Variants in ENTREP2 observed in about 807,000 individuals in gnomAD.
ENTREP2 encodes protein ENTREP2.
the ENTREP2 span, among the ~76,000 whole-genome samples, chr15:29,257,042 TATTA>T: frequency 7.0e-6 from 1 of 142,252 alleles, no homozygotes; most frequent in African/African-American, 2.7e-5. Flanking sequence ...TTTATTTTTT[TATTA>T]TTTATTTATT....
the ENTREP2 span, among the ~76,000 whole-genome samples, chr15:29,132,858 T>G: frequency 6.6e-6 from 1 of 151,604 alleles, no homozygotes; most frequent in African/African-American, 2.4e-5. Context: ...GGCAGAGGGG[T>G]CCAAGGGGCA....
chr15:29,616,146 G>C, the ENTREP2 span, among the ~76,000 whole-genome samples: 1 of 152,240 alleles, frequency 6.6e-6, no homozygotes, highest in Non-Finnish European at 1.5e-5. Flanking sequence ...CATCAGAGCA[G>C]ACAAAAGTCA....
the ENTREP2 span, among the ~76,000 whole-genome samples, chr15:29,558,309 ACGCCTGGGGT>A: frequency 6.6e-6 from 1 of 152,170 alleles, no homozygotes; most frequent in Non-Finnish European, 1.5e-5. Flanking sequence ...GCTGTTTCCC[ACGCCTGGGGT>A]CTCCCTCTCC....
At chr15:29,252,982 C>T in the ENTREP2 span, among the ~76,000 whole-genome samples, 1 of 152,184 alleles carries the variant, frequency 6.6e-6, no homozygotes, top group Non-Finnish European at 1.5e-5. Context: ...TTTACAGCCC[C>T]TACCATCTGA....
At chr15:29,517,861 T>C in the ENTREP2 span, among the ~76,000 whole-genome samples, 1 of 152,192 alleles carries the variant, frequency 6.6e-6, no homozygotes, top group Non-Finnish European at 1.5e-5. Context: ...TGTTTTTGTA[T>C]TCACCTTGCA....
the ENTREP2 span, among the ~76,000 whole-genome samples, chr15:29,651,834 T>G: frequency 6.6e-6 from 1 of 152,232 alleles, no homozygotes; most frequent in Non-Finnish European, 1.5e-5. Flanking sequence ...GGTGCTGGCC[T>G]GCAGGTGCCC....
the ENTREP2 span, among the ~76,000 whole-genome samples, chr15:29,333,470 A>G: frequency 6.6e-6 from 1 of 152,068 alleles, no homozygotes; most frequent in African/African-American, 2.4e-5. Flanking sequence ...ACCTGTGATG[A>G]GAATACCCAC....
the ENTREP2 span, among the ~76,000 whole-genome samples, chr15:29,432,006 G>C: frequency 6.6e-6 from 1 of 152,178 alleles, no homozygotes; most frequent in African/African-American, 2.4e-5. Context: ...CAAATTGCCT[G>C]AGATTTCATC....
At chr15:29,507,178 A>G in the ENTREP2 span, among the ~76,000 whole-genome samples, 1 of 152,212 alleles carries the variant, frequency 6.6e-6, no homozygotes, top group Non-Finnish European at 1.5e-5. Flanking sequence ...ACATAATGGT[A>G]AAAGAATCAA....
the ENTREP2 span, among the ~76,000 whole-genome samples, chr15:29,550,686 CA>C: frequency 4.0e-3 from 611 of 152,290 alleles, 3 homozygotes; most frequent in African/African-American, 0.014. Context: ...CATTAGAATA[CA>C]AAGACACTCT....
chr15:29,550,145 C>A, the ENTREP2 span, among the ~76,000 whole-genome samples: 1 of 152,134 alleles, frequency 6.6e-6, no homozygotes, highest in African/African-American at 2.4e-5. Context: ...CCGACTCTGT[C>A]AAATATGTAT....
the ENTREP2 span, among the ~76,000 whole-genome samples, chr15:29,356,253 T>C: frequency 7.7e-6 from 1 of 130,640 alleles, no homozygotes; most frequent in African/African-American, 3.0e-5. Context: ...GAAATGTATA[T>C]ATATGTGTGT....
At chr15:29,517,214 T>G in the ENTREP2 span, among the ~76,000 whole-genome samples, 1 of 152,098 alleles carries the variant, frequency 6.6e-6, no homozygotes, top group Admixed American at 6.5e-5. Flanking sequence ...TTTGCAACAA[T>G]CTAGCCACGG....
chr15:29,401,159 T>C, the ENTREP2 span, among the ~76,000 whole-genome samples: 7 of 152,288 alleles, frequency 4.6e-5, no homozygotes, highest in Admixed American at 3.3e-4. Context: ...CACTGCATTT[T>C]GGTGTGGTTT....
chr15:29,573,969 A>C, the ENTREP2 span, among the ~76,000 whole-genome samples: 1 of 152,190 alleles, frequency 6.6e-6, no homozygotes, highest in African/African-American at 2.4e-5. Context: ...AAAGTAGTTA[A>C]AGTGAGTTGA....
the ENTREP2 span, among the ~76,000 whole-genome samples, chr15:29,467,378 T>A: frequency 6.6e-6 from 1 of 152,196 alleles, no homozygotes; most frequent in Non-Finnish European, 1.5e-5. Context: ...TCTGTTCATC[T>A]ATCAGTAAAC....
the ENTREP2 span, among the ~76,000 whole-genome samples, chr15:29,175,131 C>T: frequency 4.6e-5 from 7 of 152,200 alleles, no homozygotes; most frequent in African/African-American, 1.7e-4. Context: ...CTGCATATGG[C>T]GGTGAGAGCC....
the ENTREP2 span, among the ~76,000 whole-genome samples, chr15:29,548,191 A>G: frequency 2.0e-5 from 3 of 152,144 alleles, no homozygotes; most frequent in South Asian, 6.2e-4. Flanking sequence ...CGGGTGGCTC[A>G]CATCTGTAGT....
the ENTREP2 span, among the ~76,000 whole-genome samples, chr15:29,481,156 T>C: frequency 5.9e-5 from 9 of 152,164 alleles, no homozygotes; most frequent in Non-Finnish European, 1.0e-4. Flanking sequence ...CCAGATGCCA[T>C]TCTGAAGACG....
Sources: gnomAD v4.1 joint callset for allele counts (sites outside exome capture counted in the v4.1 genomes callset) on GRCh38, gnomAD v4.1.1 for gene constraint, MANE v1.5 for transcripts, NCBI Gene and HGNC (gene_info 2026-07-23, HGNC 2026-07-21) for gene names.